Variants in YWHAE observed in about 807,000 individuals in gnomAD.
YWHAE encodes tyrosine 3-monooxygenase/tryptophan 5-monooxygenase activation protein epsilon.
In YWHAE, 4 loss-of-function variants were observed where a neutral mutation model predicts 30.1. That is an observed-to-expected ratio of 0.13 (90% CI 0.07 to 0.30). The LOEUF (loss-of-function observed/expected upper bound fraction) is 0.30, where lower values mean the gene tolerates loss of function less well. YWHAE is among the 10% of genes least tolerant of loss of function. The pLI is 1.00. For synonymous variants in YWHAE, 118 were observed against 111.8 expected, an observed-to-expected ratio of 1.06 and a Z score of -0.35; for missense variants, 121 against 315.9, an observed-to-expected ratio of 0.38 and a Z score of 4.68.
chr17:1,381,952 G>T (rs1436799168), intron 1 of YWHAE, among the ~76,000 whole-genome samples: 1 of 145,246 alleles, frequency 6.9e-6, no homozygotes, highest in Non-Finnish European at 1.5e-5. Context: ...GACAGAAAAG[G>T]AAAAAAAAAC....
intron 4 of YWHAE, among the ~76,000 whole-genome samples, chr17:1,355,940 G>A (rs566679102): frequency 9.2e-5 from 14 of 152,006 alleles, no homozygotes; most frequent in Admixed American, 4.6e-4. Flanking sequence ...AGGCAGAAGC[G>A]GGCGGATCAC....
intron 1 of YWHAE, among the ~76,000 whole-genome samples, chr17:1,371,380 C>A (rs1598251868): frequency 6.6e-6 from 1 of 152,068 alleles, no homozygotes; most frequent in African/African-American, 2.4e-5. Context: ...CCACTGCACC[C>A]AACCTCGGTG....
In YWHAE at chr17:1,361,205, A is replaced by G. The variant is rs776157429; in HGVS notation, c.465T>C (p.Ala155=). The change falls in exon 4 of 6, where the codon GCT becomes GCC. Residue 155 remains alanine, a synonymous_variant. Coordinates refer to ENST00000264335, the MANE Select transcript of YWHAE (RefSeq NM_006761.5). The part of the protein sequence containing the change: ...AENSLVAYKA[A]SDIAMTELPP... The stretch of plus-strand genomic sequence containing the variant: ...GAAGTTCTGTCATTGCAATATCACT[A>G]GCAGCTTTATAAGCCACTAGGCTGT... 52 of 1,613,926 alleles carry G rather than the reference A, an allele frequency of 3.2e-5. No homozygotes were observed. The highest frequency in any genetic ancestry group is 4.3e-5 in the Non-Finnish European group (51 of 1,180,022).
chr17:1,386,858 G>T (rs2073307889), intron 1 of YWHAE, among the ~76,000 whole-genome samples: 1 of 152,122 alleles, frequency 6.6e-6, no homozygotes, highest in African/African-American at 2.4e-5. Flanking sequence ...GGAGGCTGAG[G>T]CAGGAGAATC....
chr17:1,393,302 C>G (rs899991271), intron 1 of YWHAE, among the ~76,000 whole-genome samples: 4 of 150,384 alleles, frequency 2.7e-5, no homozygotes, highest in Non-Finnish European at 4.4e-5. Flanking sequence ...GCCTGGGTGA[C>G]CAAGTGAGAC....
chr17:1,347,896 C>G lies in YWHAE; in HGVS notation c.716-2397G>C, dbSNP rs1280874870. On this transcript the variant is annotated intron_variant, in intron 5 of 5. Coordinates refer to ENST00000264335, the MANE Select transcript of YWHAE (RefSeq NM_006761.5). The stretch of plus-strand genomic sequence containing the variant: ...GTCTGTAAGCAACAGGACGATCATA[C>G]GCAGGCATGATTAGTGAAGAACCAA... 3.3e-6 allele frequency: 3 copies of G among 917,776 alleles called. No homozygotes were observed. In the African/African-American group the frequency reaches 5.4e-5, roughly 16 times the overall value. The allele number at this position is 917,776 out of a possible 1,614,324, so 56.9% of individuals were successfully genotyped here. A position where few individuals can be genotyped will look rare whatever the true frequency, so the allele number is the denominator to read the frequency against.
At chr17:1,352,402 AG>A (rs1433432920) in intron 5 of YWHAE, 3 of 152,218 alleles carry the variant, frequency 2.0e-5, no homozygotes, top group Admixed American at 6.5e-5. Context: ...GCCCACTTTC[AG>A]AAGCATTTTC....
At chr17:1,381,278 G>A (rs1328545650) in intron 1 of YWHAE, among the ~76,000 whole-genome samples, 2 of 152,088 alleles carry the variant, frequency 1.3e-5, no homozygotes, top group Non-Finnish European at 2.9e-5. Flanking sequence ...ACTTTTGGAG[G>A]CTGAGGCGGG....
intron 4 of YWHAE, among the ~76,000 whole-genome samples, chr17:1,355,116 TAAAAAAAAAAAAA>T (rs869230957): frequency 2.3e-4 from 4 of 17,182 alleles, no homozygotes; most frequent in South Asian, 3.1e-3. Context: ...CAAGATTTTT[TAAAAAAAAAAAAA>T]AAAAAAAAAA....
intron 1 of YWHAE, among the ~76,000 whole-genome samples, chr17:1,378,396 G>C (rs909489697): frequency 1.3e-5 from 2 of 152,192 alleles, no homozygotes; most frequent in African/African-American, 4.8e-5. Context: ...TCAATTCACA[G>C]ATAATTCATG....
At chr17:1,394,051 CCT>C (rs946703547) in intron 1 of YWHAE, among the ~76,000 whole-genome samples, 11 of 152,170 alleles carry the variant, frequency 7.2e-5, no homozygotes, top group African/African-American at 2.4e-4. Context: ...CCCCTACTCC[CCT>C]GAAAGGCACC....
At chr17:1,365,218 T>C (rs1176993197) in intron 1 of YWHAE, among the ~76,000 whole-genome samples, 160 bp from the exon 2 acceptor site, 2 of 150,856 alleles carry the variant, frequency 1.3e-5, no homozygotes, top group African/African-American at 4.9e-5. Flanking sequence ...GCCAAAAACA[T>C]GTAAAGGAAA....
At chr17:1,368,673 C>A (rs1327029180) in intron 1 of YWHAE, among the ~76,000 whole-genome samples, 3 of 151,908 alleles carry the variant, frequency 2.0e-5, no homozygotes. Context: ...GTTTTCTAAA[C>A]CAGTCACGAA....
At chr17:1,367,741 G>C (rs1445289864) in intron 1 of YWHAE, among the ~76,000 whole-genome samples, 1 of 152,096 alleles carries the variant, frequency 6.6e-6, no homozygotes. Context: ...ATCATATTAA[G>C]TGAAAAGAGT....
chr17:1,379,775 AG>A (rs1333603971), intron 1 of YWHAE, among the ~76,000 whole-genome samples: 1 of 152,240 alleles, frequency 6.6e-6, no homozygotes, highest in African/African-American at 2.4e-5. Flanking sequence ...GACAAGATTT[AG>A]GAAACACTCC....
At chr17:1,367,782 T>C (rs756012360) in intron 1 of YWHAE, among the ~76,000 whole-genome samples, 3 of 152,154 alleles carry the variant, frequency 2.0e-5, no homozygotes, top group Non-Finnish European at 4.4e-5. Flanking sequence ...ATTCCATTTA[T>C]ATCAAATTGC....
At chr17:1,381,880 T>C (rs1598262285) in intron 1 of YWHAE, among the ~76,000 whole-genome samples, 1 of 118,924 alleles carries the variant, frequency 8.4e-6, no homozygotes, top group South Asian at 2.7e-4. Flanking sequence ...CCCACTGTAC[T>C]CCAGCCTGCA....
At chr17:1,398,790 C>T (rs908967453) in intron 1 of YWHAE, 1 of 152,126 alleles carries the variant, frequency 6.6e-6, no homozygotes, top group African/African-American at 2.4e-5. Context: ...TGGACAGACA[C>T]AATGGACATT....
At chr17:1,371,692 G>C (rs531567300) in intron 1 of YWHAE, among the ~76,000 whole-genome samples, 1 of 148,686 alleles carries the variant, frequency 6.7e-6, no homozygotes, top group African/African-American at 2.6e-5. Flanking sequence ...CTCTAGTTAA[G>C]TGAAGTCCTA....
Sources: gnomAD v4.1 joint callset for allele counts (sites outside exome capture counted in the v4.1 genomes callset) on GRCh38, gnomAD v4.1.1 for gene constraint, MANE v1.5 for transcripts, NCBI Gene and HGNC (gene_info 2026-07-23, HGNC 2026-07-21) for gene names.